The following NUP133 variants were observed in gnomAD, a reference collection of about 807,000 sequenced individuals.
The protein encoded by NUP133 is nuclear pore complex protein Nup133.
Under a neutral mutation model 146.2 loss-of-function variants are expected in NUP133, and 66 were observed. The observed-to-expected ratio is 0.45, with a 90% confidence interval of 0.37 to 0.55. The LOEUF is 0.55. Ranked by LOEUF, NUP133 falls within the 20% of genes least tolerant of loss-of-function variation. The pLI is 0.00. For synonymous variants in NUP133, 521 were observed against 498.8 expected (o/e 1.04, Z -0.59); for missense variants, 1,277 against 1,374.8 (o/e 0.93, Z 1.12).
rs1356109227 is a variant in NUP133 at position 229,486,514 on chromosome 1, C to A, written c.1357G>T (p.Gly453Cys). The part of the protein sequence containing the change: ...VFNAQGDSVL[G>C]AGACGGVPII... ...GGAACACCACCACAGGCACCAGCAC[C>A]TAAAACACTATCTCCTAAAAGAAAG... is the stretch of plus-strand genomic sequence containing the variant. Residue 453 changes from glycine to cysteine, a missense_variant, in exon 11 of 26, where the codon GGT becomes TGT. Physicochemically the swap from Gly to Cys is radical, Grantham distance 159 (BLOSUM62 -3). Transcript: ENST00000261396. 1 of 1,606,586 alleles carries A rather than the reference C, an allele frequency of 6.2e-7. No homozygotes were observed. Among genetic ancestry groups the A allele is most frequent in the Non-Finnish European group, 8.5e-7 (1 of 1,178,006 alleles).
chr1:229,477,485 GAATT>G (rs1395277247), intron 13 of NUP133, 108 bp downstream of exon 13: 10 of 559,830 alleles, frequency 1.8e-5, no homozygotes, highest in Admixed American at 8.0e-5. Context: ...AAAAAATATT[GAATT>G]AATATTAAAT....
At position 229,502,021 on chromosome 1, in the gene NUP133, A is replaced by C; in HGVS notation, c.383T>G (p.Ile128Ser). Residue 128 changes from isoleucine (I) to serine (S), a missense_variant, in exon 3 of 26, where the codon ATT becomes AGT. Physicochemically the swap from Ile to Ser is moderately radical, Grantham distance 142 (BLOSUM62 -2). Around this residue, in one of 3 missense-constraint regions of NUP133, gnomAD observed 319 missense variants for 306.9 expected, o/e 1.04. Coordinates refer to ENST00000261396, the MANE Select transcript of NUP133 (RefSeq NM_018230.3). ...TACCTTAGTAATAGGTGACAGAGCA[A>C]TCTTCCAAATAATGAGCTTCTCTTT... ...VCKEKLIIWK[I>S]ALSPITKLSV... is the part of the protein sequence containing the mutation. 6.2e-7 allele frequency: 1 copy of C among 1,613,312 alleles called. No homozygotes were observed. The highest frequency in any genetic ancestry group is 8.5e-7 in the Non-Finnish European group (1 of 1,179,282).
intron 25 of NUP133, 55 bp downstream of exon 25, chr1:229,444,859 A>C (rs1371976603): frequency 2.3e-6 from 3 of 1,304,280 alleles, no homozygotes; most frequent in Non-Finnish European, 2.2e-6. Flanking sequence ...AAAAAAACCC[A>C]AAAAACTGAG....
rs1227485858 is a variant in NUP133, at chr1:229,445,018, A to G, written c.3246-16T>C. The G allele has an allele frequency of 2.6e-6, 4 of 1,555,040 alleles. No individual in the cohort carries two copies. Among genetic ancestry groups the G allele is most frequent in the Non-Finnish European group, 1.8e-6 (2 of 1,130,440 alleles). On this transcript the variant is annotated splice_polypyrimidine_tract_variant and intron_variant, in intron 24 of 25. Transcript: ENST00000261396. ...ACTGGACCAGCTAGAAAACAAAATC[A>G]TTATGAGGGAAAAATGAAATCACTG...
intron 22 of NUP133, 89 bp downstream of exon 22, chr1:229,452,436 T>A (rs767471414): frequency 2.2e-6 from 2 of 905,448 alleles, no homozygotes; most frequent in Admixed American, 2.7e-5. Context: ...GAACAATAAC[T>A]CCTCTTAGGA....
At chr1:229,485,857 A>G (rs1661335869) in intron 11 of NUP133, among the ~76,000 whole-genome samples, 1 of 152,186 alleles carries the variant, frequency 6.6e-6, no homozygotes, top group Non-Finnish European at 1.5e-5. Flanking sequence ...TTTGTATAAA[A>G]TAATCTGATA....
At chr1:229,495,406 T>C (rs770277486) in intron 8 of NUP133, 89 bp downstream of exon 8, 17 of 867,172 alleles carry the variant, frequency 2.0e-5, no homozygotes, top group Non-Finnish European at 3.0e-5. Context: ...AAAGAGCACA[T>C]AGTGAGATTG....
At chr1:229,474,584 C>T (rs1038409528) in intron 14 of NUP133, among the ~76,000 whole-genome samples, 32 of 152,240 alleles carry the variant, frequency 2.1e-4, no homozygotes, top group African/African-American at 7.7e-4. Flanking sequence ...TAGCCACTGT[C>T]CACAGTGGCT....
intron 24 of NUP133, among the ~76,000 whole-genome samples, chr1:229,447,618 G>C (rs149236957): frequency 6.6e-6 from 1 of 151,962 alleles, no homozygotes; most frequent in East Asian, 1.9e-4. Flanking sequence ...AGGGGCTGAA[G>C]GTTAAATTGG....
At chr1:229,457,532 C>A (rs1486545055) in intron 21 of NUP133, among the ~76,000 whole-genome samples, 3 of 152,162 alleles carry the variant, frequency 2.0e-5, no homozygotes, top group African/African-American at 7.2e-5. Flanking sequence ...ATACCTCATA[C>A]AACGTAAATG....
chr1:229,499,172 C>G (rs1661734702), intron 5 of NUP133: 1 of 469,912 alleles, frequency 2.1e-6, no homozygotes, highest in African/African-American at 2.0e-5. Flanking sequence ...AGTGGTGAGA[C>G]TGCACGCATG....
intron 15 of NUP133, among the ~76,000 whole-genome samples, chr1:229,469,976 A>C (rs1025946000): frequency 2.6e-5 from 4 of 152,200 alleles, no homozygotes; most frequent in African/African-American, 9.7e-5. Flanking sequence ...CAGTGAGCCG[A>C]CATTGCACTG....
intron 8 of NUP133, among the ~76,000 whole-genome samples, chr1:229,492,189 C>G (rs1267938987): frequency 6.6e-6 from 1 of 151,900 alleles, no homozygotes; most frequent in Non-Finnish European, 1.5e-5. Context: ...TCACTGCAAC[C>G]TCCGCCTCCT....
Position 229,441,281 on chromosome 1 carries a change from G to A in NUP133, c.*623C>T, listed in dbSNP as rs974212015. The A allele has an allele frequency of 5.8e-5, 22 of 379,378 alleles. No homozygotes were observed. Among genetic ancestry groups the A allele is most frequent in the African/African-American group, 3.8e-4 (18 of 47,478 alleles). The allele number at this position is 379,378 out of a possible 1,614,324, so 23.5% of individuals were successfully genotyped here. On this transcript the variant is annotated 3_prime_UTR_variant, in exon 26 of 26. Coordinates refer to ENST00000261396, the MANE Select transcript of NUP133 (RefSeq NM_018230.3). ...AGATAGGTTAGAAAACCACATAAAC[G>A]TTTCATTCACTAAAATACTTTCATT... is the stretch of plus-strand genomic sequence containing the variant.
chr1:229,467,166 C>T (rs1197003432), intron 15 of NUP133, among the ~76,000 whole-genome samples: 1 of 152,114 alleles, frequency 6.6e-6, no homozygotes, highest in African/African-American at 2.4e-5. Context: ...TGAGGAATTC[C>T]CCTTCTTCAG....
chr1:229,496,149 A>G (rs58673560), intron 6 of NUP133, 102 bp from the exon 7 acceptor site: 1 of 906,310 alleles, frequency 1.1e-6, no homozygotes. Context: ...TAGTAATCCT[A>G]GCAGAATTCT....
chr1:229,491,568 C>A (rs1661516240), intron 8 of NUP133, among the ~76,000 whole-genome samples: 1 of 152,202 alleles, frequency 6.6e-6, no homozygotes, highest in Non-Finnish European at 1.5e-5. Flanking sequence ...CACTTCAGGC[C>A]AGGAATTCGA....
At chr1:229,490,922 G>C (rs1278455586) in intron 8 of NUP133, among the ~76,000 whole-genome samples, 1 of 150,280 alleles carries the variant, frequency 6.7e-6, no homozygotes, top group Non-Finnish European at 1.5e-5. Flanking sequence ...CTGCACTCCA[G>C]CCTGGGCGAT....
rs758394357 is a variant in NUP133, at chr1:229,450,637, T to C, written c.3100-32A>G. ...CAAGTTAAAATAAGGTAGAAGATTA[T>C]ACAATCATGTAACTAATACTAGAGA... On this transcript the variant is annotated intron_variant, in intron 22 of 25. Transcript: ENST00000261396. The C allele has an allele frequency of 2.0e-5, 22 of 1,101,254 alleles. No individual in the cohort carries two copies. In the South Asian group the frequency reaches 2.1e-4, roughly 11 times the overall value. 68.2% of individuals were successfully genotyped at this position (1,101,254 alleles called of 1,614,324 possible). A position where few individuals can be genotyped will look rare whatever the true frequency, so the allele number is the denominator to read the frequency against.
Sources: allele counts gnomAD v4.1 joint callset (sites outside exome capture counted in the v4.1 genomes callset), GRCh38; gene constraint gnomAD v4.1.1; regional missense constraint gnomAD v4.1.1; transcripts MANE v1.5; gene names NCBI Gene and HGNC (gene_info 2026-07-23, HGNC 2026-07-21).